ZNF577: variants seen among roughly 807,000 people sequenced by gnomAD.
ZNF577 encodes the protein zinc finger protein 577.
A neutral mutation model predicts 13.9 loss-of-function variants in ZNF577; 14 were observed. The observed-to-expected ratio is 1.00, with a 90% CI of 0.66 to 1.57. The LOEUF (loss-of-function observed/expected upper bound fraction) is 1.57, where lower values mean the gene tolerates loss of function less well. ZNF577 is among the 40% of genes most tolerant of loss of function. The pLI, the probability that ZNF577 is intolerant of heterozygous loss-of-function variation, is 0.00. For missense variants in ZNF577, 555 were observed against 579.2 expected (o/e 0.96, Z 0.43); for synonymous variants, 203 against 202.9 (o/e 1.00, Z 0.00).
chr19:51,850,473 C>A (rs997556190), intron 5 of ZNF577, among the ~76,000 whole-genome samples: 2 of 152,220 alleles, frequency 1.3e-5, no homozygotes, highest in Admixed American at 6.5e-5. Flanking sequence ...CATGATTTCT[C>A]TGAAAGAAGA....
downstream of ZNF577, chr19:51,862,157 T>C (rs1214806390): frequency 6.6e-6 from 1 of 152,436 alleles, no homozygotes; most frequent in Non-Finnish European, 1.5e-5. Context: ...TTATTTCCTA[T>C]ATGAGTTCTC....
intron 10 of ZNF577, among the ~76,000 whole-genome samples, chr19:51,806,454 C>G (rs536350838): frequency 6.6e-6 from 1 of 152,208 alleles, no homozygotes; most frequent in Non-Finnish European, 1.5e-5. Context: ...GTCTTACCAT[C>G]CGTACCAGGA....
At chr19:51,878,685 C>T (rs754089332) in intron 3 of ZNF577, 170 bp from the exon 4 acceptor site, 25 of 654,104 alleles carry the variant, frequency 3.8e-5, no homozygotes, top group Admixed American at 1.5e-4. Flanking sequence ...CCTAAAAGCA[C>T]GAAGGCAGTA....
rs779130086 is a variant in ZNF577, at chr19:51,868,850, T to C, written c.*3682A>G. On this transcript the variant is annotated 3_prime_UTR_variant, in exon 6 of 6. Transcript: ENST00000638348. ...ATCTGTAACCCTAGCCTCAACCCTG[T>C]GCTCGCAGAAACATGTGCTGTGTTG... Among the ~76,000 whole-genome samples, 6 of 152,356 alleles carry C rather than the reference T, an allele frequency of 3.9e-5. No individual in the cohort carries two copies. Among genetic ancestry groups the C allele is most frequent in the Non-Finnish European group, 8.8e-5 (6 of 68,030 alleles).
At position 51,878,404 on chromosome 19, in the gene ZNF577, T is replaced by G; in HGVS notation, c.172A>C (p.Asn58His). The G allele has an allele frequency of 6.2e-7, 1 of 1,614,068 alleles. No individual in the cohort carries two copies. Residue 58 changes from asparagine to histidine, a missense_variant, in exon 4 of 6, where the codon AAC becomes CAC. By Grantham distance (68) the Asn-to-His change is moderately conservative. Coordinates refer to ENST00000638348, the MANE Select transcript of ZNF577 (RefSeq NM_001370449.1). ...CTGTCCTTACCTATTGATACTAGGT[T>G]GATGTAGTTCTCCAACATTACTTCC... ...YKEVMLENYINLVSIGYRGTK... is the reference protein window; with the variant it reads ...YKEVMLENYIHLVSIGYRGTK...
downstream of ZNF577, chr19:51,863,254 A>G (rs1237187421): frequency 6.6e-6 from 1 of 152,212 alleles, no homozygotes; most frequent in Admixed American, 6.5e-5. Flanking sequence ...TTTCTTTCCA[A>G]AAAGAATTGG....
At chr19:51,859,180 A>G (rs1262763425) in intron 5 of ZNF577, among the ~76,000 whole-genome samples, 2 of 152,202 alleles carry the variant, frequency 1.3e-5, no homozygotes, top group African/African-American at 4.8e-5. Flanking sequence ...ATTCATTTGT[A>G]TAACTGACCA....
At chr19:51,877,555 C>T in intron 4 of ZNF577, 178 bp from the exon 5 acceptor site, 1 of 507,014 alleles carries the variant, frequency 2.0e-6, no homozygotes, top group Non-Finnish European at 3.5e-6. Flanking sequence ...GCGTGACACA[C>T]CCATACCCAT....
In ZNF577 at chr19:51,867,067, T is replaced by C. The variant is rs1042655142; in HGVS notation, c.*5465A>G. Among the ~76,000 whole-genome samples, 12 of 152,154 alleles carry C rather than the reference T, an allele frequency of 7.9e-5. No individual in the cohort carries two copies. Among genetic ancestry groups the C allele is most frequent in the African/African-American group, 2.9e-4 (12 of 41,438 alleles). On this transcript the variant is annotated 3_prime_UTR_variant, in exon 6 of 6. Transcript: ENST00000638348. ...CTTAAGTACATCATACATTCTTACA[T>C]ATTTATTCACCTGTATTCACACTTA...
chr19:51,837,569 G>C (rs2084294943), intron 9 of ZNF577, among the ~76,000 whole-genome samples: 1 of 152,154 alleles, frequency 6.6e-6, no homozygotes, highest in African/African-American at 2.4e-5. Context: ...CAACATGAAT[G>C]CATCTCAAAA....
chr19:51,866,713 G>A (rs1289122130), downstream of ZNF577, among the ~76,000 whole-genome samples: 1 of 152,308 alleles, frequency 6.6e-6, no homozygotes, highest in East Asian at 1.9e-4. Context: ...CAGTTGTGGT[G>A]GCTCATGCCT....
At chr19:51,836,461 G>C (rs1203893048) in intron 9 of ZNF577, among the ~76,000 whole-genome samples, 1 of 152,180 alleles carries the variant, frequency 6.6e-6, no homozygotes, top group Non-Finnish European at 1.5e-5. Flanking sequence ...CTGACGATTT[G>C]TGATGTTTGG....
intron 9 of ZNF577, among the ~76,000 whole-genome samples, chr19:51,815,002 G>A (rs935457879): frequency 2.0e-5 from 3 of 151,154 alleles, no homozygotes; most frequent in Admixed American, 6.6e-5. Context: ...TAGAGGCGGG[G>A]TTTCACCTTG....
At chr19:51,854,555 A>C (rs1335523860) in intron 5 of ZNF577, among the ~76,000 whole-genome samples, 2 of 142,302 alleles carry the variant, frequency 1.4e-5, no homozygotes, top group African/African-American at 2.7e-5. Context: ...GCTTCTCCTG[A>C]ACTCCTGGAC....
In ZNF577 at chr19:51,869,800, C is replaced by A. The variant is rs1254791941; in HGVS notation, c.*2732G>T. ...CGCTAACTAGAATAAGTTGTTAGGC[C>A]TCCTAACTGTACTTCCCATAAACCT... is the stretch of plus-strand genomic sequence containing the variant. On this transcript the variant is annotated 3_prime_UTR_variant, in exon 6 of 6. Transcript: ENST00000638348. Among the ~76,000 whole-genome samples, 6 of 152,182 alleles carry A rather than the reference C, an allele frequency of 3.9e-5. No homozygotes were observed. Among genetic ancestry groups the A allele is most frequent in the African/African-American group, 1.4e-4 (6 of 41,436 alleles).
At chr19:51,812,557 C>A (rs2084104785) in intron 9 of ZNF577, among the ~76,000 whole-genome samples, 1 of 152,202 alleles carries the variant, frequency 6.6e-6, no homozygotes, top group Non-Finnish European at 1.5e-5. Flanking sequence ...TCTACAGACC[C>A]TCAGCTACAG....
At chr19:51,883,486 A>C (rs1189455778) in intron 1 of ZNF577, among the ~76,000 whole-genome samples, 1 of 152,058 alleles carries the variant, frequency 6.6e-6, no homozygotes, top group Non-Finnish European at 1.5e-5. Flanking sequence ...CCTTTTAATT[A>C]AGTGAGTAGT....
intron 9 of ZNF577, among the ~76,000 whole-genome samples, chr19:51,819,201 C>T (rs1310883574): frequency 6.6e-6 from 1 of 152,128 alleles, no homozygotes; most frequent in Admixed American, 6.6e-5. Context: ...GGACAAGCAA[C>T]AGTTTAGTTT....
At chr19:51,861,469 A>G (rs1169645987) in intron 5 of ZNF577, 2 of 152,272 alleles carry the variant, frequency 1.3e-5, no homozygotes, top group Non-Finnish European at 2.9e-5. Flanking sequence ...TAAACGAGGG[A>G]TATCTTCAAA....
Sources: allele counts gnomAD v4.1 joint callset (sites outside exome capture counted in the v4.1 genomes callset), GRCh38; gene constraint gnomAD v4.1.1; transcripts MANE v1.5; gene names NCBI Gene and HGNC (gene_info 2026-07-23, HGNC 2026-07-21).